The following GALNT13 variants were observed in gnomAD, a reference collection of about 807,000 sequenced individuals.
The protein encoded by GALNT13 is UDP-GalNAc:polypeptide N-acetylgalactosaminyltransferase 13.
GALNT13 carries 28 observed loss-of-function variants against 64.2 expected under a neutral mutation model. The ratio of observed to expected loss-of-function variants is 0.44; its 90% CI spans 0.32 to 0.60. The LOEUF (loss-of-function observed/expected upper bound fraction) is 0.60. Ranked by LOEUF, GALNT13 falls within the 20% of genes least tolerant of loss-of-function variation. GALNT13 has a pLI of 0.05. For synonymous variants in GALNT13, 214 were observed against 224.6 expected (o/e 0.95, Z 0.42); for missense variants, 577 against 669.8 (o/e 0.86, Z 1.53).
chr2:153,284,532 C>T, the GALNT13 span, among the ~76,000 whole-genome samples: 151 of 152,268 alleles, frequency 9.9e-4, no homozygotes, highest in Non-Finnish European at 1.4e-3. Flanking sequence ...TGAAGCTTTT[C>T]CTGGTGTCTT....
At chr2:153,732,713 T>C in the GALNT13 span, among the ~76,000 whole-genome samples, 1 of 152,102 alleles carries the variant, frequency 6.6e-6, no homozygotes, top group Non-Finnish European at 1.5e-5. Context: ...ACAGAAACTA[T>C]GATTGCTTAT....
intron 9 of GALNT13, among the ~76,000 whole-genome samples, chr2:154,317,115 A>G (rs549849021): frequency 7.2e-5 from 11 of 151,774 alleles, no homozygotes; most frequent in Admixed American, 7.2e-4. Flanking sequence ...CAGGAGGCTG[A>G]GGCAGGAGAA....
the GALNT13 span, among the ~76,000 whole-genome samples, chr2:153,606,242 T>C: frequency 6.6e-6 from 1 of 152,086 alleles, no homozygotes; most frequent in Non-Finnish European, 1.5e-5. Context: ...CATACGTATA[T>C]ACACACACAT....
At chr2:153,622,096 T>C in the GALNT13 span, among the ~76,000 whole-genome samples, 5 of 152,160 alleles carry the variant, frequency 3.3e-5, no homozygotes, top group African/African-American at 4.8e-5. Context: ...GGTAACATCA[T>C]TGGAATGCAC....
At chr2:153,601,727 C>A in the GALNT13 span, among the ~76,000 whole-genome samples, 2 of 151,580 alleles carry the variant, frequency 1.3e-5, no homozygotes, top group East Asian at 1.9e-4. Flanking sequence ...ATATCTAGGC[C>A]TTCTATGACT....
In GALNT13 at chr2:154,450,425, A is replaced by G. The variant is rs756160346; in HGVS notation, c.1545A>G (p.Arg515=). Reference sequence around the variant, plus strand: ...ATCTTTTACAGAGACTCACGTTGCGACATGTTAACAGTAACCAATGTCTCG... The same window carrying G: ...ATCTTTTACAGAGACTCACGTTGCGGCATGTTAACAGTAACCAATGTCTCG... ...WEYDAERLTL[R]HVNSNQCLDE... The change falls in exon 13 of 13, where the codon CGA becomes CGG. Residue 515 remains arginine (R), a synonymous_variant. Coordinates refer to ENST00000392825, the MANE Select transcript of GALNT13 (RefSeq NM_052917.4). 3.7e-6 allele frequency: 6 copies of G among 1,611,444 alleles called. No homozygotes were observed. The highest frequency in any genetic ancestry group is 5.1e-6 in the Non-Finnish European group (6 of 1,178,702).
intron 8 of GALNT13, among the ~76,000 whole-genome samples, chr2:154,297,533 G>C (rs1692996811): frequency 6.6e-6 from 1 of 152,142 alleles, no homozygotes; most frequent in Non-Finnish European, 1.5e-5. Context: ...CAAAAAGATA[G>C]TCATCTACAA....
intron 3 of GALNT13, among the ~76,000 whole-genome samples, chr2:154,079,445 A>T (rs937987179): frequency 2.6e-5 from 4 of 151,568 alleles, no homozygotes; most frequent in Admixed American, 1.3e-4. Flanking sequence ...AAATATATAT[A>T]TTTTTATTTC....
chr2:154,404,170 A>G (rs1699424567), intron 10 of GALNT13, among the ~76,000 whole-genome samples: 1 of 152,118 alleles, frequency 6.6e-6, no homozygotes, highest in South Asian at 2.1e-4. Flanking sequence ...ATTCTGAAGG[A>G]CAAGTAATAT....
chr2:153,436,391 T>C, the GALNT13 span, among the ~76,000 whole-genome samples: 3 of 152,224 alleles, frequency 2.0e-5, no homozygotes, highest in Admixed American at 2.0e-4. Context: ...TGGAAGAGTT[T>C]CAGGAGGAAT....
At chr2:153,076,776 C>G in the GALNT13 span, among the ~76,000 whole-genome samples, 3 of 152,106 alleles carry the variant, frequency 2.0e-5, no homozygotes, top group African/African-American at 7.2e-5. Flanking sequence ...ATTTTCAGCT[C>G]TATTTTGCTG....
chr2:153,189,279 T>A, the GALNT13 span, among the ~76,000 whole-genome samples: 1 of 152,262 alleles, frequency 6.6e-6, no homozygotes, highest in Admixed American at 6.5e-5. Context: ...TCTATATCCA[T>A]GAGATCAGCA....
the GALNT13 span, among the ~76,000 whole-genome samples, chr2:153,082,806 G>GAATAAATAAAATATATATTATTTATTT: frequency 7.0e-6 from 1 of 143,278 alleles, no homozygotes; most frequent in African/African-American, 2.6e-5. Context: ...ATTATTTATT[G>GAATAAATAAAATATATATTATTTATTT]AATAAATAAA....
rs910748983 is a variant in GALNT13 at position 154,438,510 on chromosome 2, C to T, written c.1396-82C>T. ...TTTGAAAACACAAGTTTATCTGATA[C>T]GAAAGCTTCCCTGGATAGATCTGCT... is the stretch of plus-strand genomic sequence containing the variant. On this transcript the variant is annotated intron_variant, in intron 11 of 12. Transcript: ENST00000392825. 56 of 983,044 alleles carry T rather than the reference C, an allele frequency of 5.7e-5. 1 individual carries two copies. In the Middle Eastern group the frequency reaches 2.2e-3, roughly 39 times the overall value. The allele number at this position is 983,044 out of a possible 1,614,324, so 60.9% of individuals were successfully genotyped here. A position where few individuals can be genotyped will look rare whatever the true frequency, so the allele number is the denominator to read the frequency against.
the GALNT13 span, among the ~76,000 whole-genome samples, chr2:153,561,641 C>CTGTGTGTGTGTGTGTGTGTG: frequency 3.1e-4 from 46 of 146,574 alleles, no homozygotes; most frequent in African/African-American, 9.3e-4. Context: ...GATGTTCAAC[C>CTGTGTGTGTGTGTGTGTGTG]TGTGTGTGTG....
At chr2:153,731,269 A>C in the GALNT13 span, among the ~76,000 whole-genome samples, 1 of 151,876 alleles carries the variant, frequency 6.6e-6, no homozygotes, top group Non-Finnish European at 1.5e-5. Context: ...CAAATACTAC[A>C]TGTTCTCATG....
At chr2:153,572,364 A>C in the GALNT13 span, among the ~76,000 whole-genome samples, 1 of 149,002 alleles carries the variant, frequency 6.7e-6, no homozygotes, top group African/African-American at 2.4e-5. Flanking sequence ...AGTTTGGCTA[A>C]AGGTTTGTTA....
At chr2:153,979,160 G>T (rs1336779437) in intron 3 of GALNT13, among the ~76,000 whole-genome samples, 1 of 151,910 alleles carries the variant, frequency 6.6e-6, no homozygotes, top group Admixed American at 6.6e-5. Flanking sequence ...TCCAAGAAAA[G>T]CTCACACACA....
chr2:153,245,332 C>T, the GALNT13 span, among the ~76,000 whole-genome samples: 1 of 152,356 alleles, frequency 6.6e-6, no homozygotes, highest in East Asian at 1.9e-4. Flanking sequence ...ACACCTGTGC[C>T]TCTTGACTGG....
Sources: allele counts gnomAD v4.1 joint callset (sites outside exome capture counted in the v4.1 genomes callset), GRCh38; gene constraint gnomAD v4.1.1; transcripts MANE v1.5; gene names NCBI Gene and HGNC (gene_info 2026-07-23, HGNC 2026-07-21).